FHIT: variants seen among roughly 807,000 people sequenced by gnomAD.
The protein encoded by FHIT is fragile histidine triad diadenosine triphosphatase, also known as bis(5'-adenosyl)-triphosphatase.
Under a neutral mutation model 17.9 loss-of-function variants are expected in FHIT, and 19 were observed. That is an observed-to-expected ratio of 1.06 (90% confidence interval 0.74 to 1.56). The LOEUF is 1.56. Ranked by LOEUF, FHIT falls within the 40% of genes most tolerant of loss-of-function variation. The pLI, the probability that FHIT is intolerant of heterozygous loss-of-function variation, is 0.00. For synonymous variants in FHIT, 81 were observed against 69.7 expected (o/e 1.16, Z -0.81); for missense variants, 248 against 189.2 (o/e 1.31, Z -1.82).
rs114289341 is a variant in FHIT at position 59,791,475 on chromosome 3, G to A, written c.349-39154C>T. ...CCCTAATGACATTGCTTGTGCCCCT[G>A]GATCCAGCCGCGCCTGAATCAACAA... On this transcript the variant is annotated intron_variant, in intron 8 of 9. Coordinates refer to ENST00000492590, the MANE Select transcript of FHIT (RefSeq NM_002012.4). 1.3e-3 allele frequency among the ~76,000 whole-genome samples: 192 copies of A among 152,260 alleles called. 1 individual carries two copies. Among genetic ancestry groups the A allele is most frequent in the African/African-American group, 4.5e-3 (186 of 41,558 alleles).
chr3:60,340,998 A>AT (rs1231314307), intron 5 of FHIT, among the ~76,000 whole-genome samples: 2 of 152,024 alleles, frequency 1.3e-5, no homozygotes, highest in South Asian at 2.1e-4. Context: ...CTATATGAGA[A>AT]TTTTTTTTAA....
chr3:60,848,473 C>T (rs1172718188), intron 3 of FHIT, among the ~76,000 whole-genome samples: 5 of 152,114 alleles, frequency 3.3e-5, no homozygotes, highest in Admixed American at 2.6e-4. Context: ...ATTCTTTCAA[C>T]CCATGCCCAA....
chr3:60,168,132 A>C (rs1217942583), intron 5 of FHIT, among the ~76,000 whole-genome samples: 1 of 152,224 alleles, frequency 6.6e-6, no homozygotes, highest in Admixed American at 6.5e-5. Context: ...ATAGTTGCAG[A>C]AACTCCAAAA....
intron 5 of FHIT, among the ~76,000 whole-genome samples, chr3:60,478,393 T>G (rs2033450157): frequency 6.6e-6 from 1 of 152,160 alleles, no homozygotes; most frequent in African/African-American, 2.4e-5. Context: ...CAAGCAAATA[T>G]GAATGAACTT....
chr3:60,939,630 T>C (rs997917146), intron 3 of FHIT, among the ~76,000 whole-genome samples: 12 of 152,188 alleles, frequency 7.9e-5, no homozygotes, highest in Non-Finnish European at 1.8e-4. Context: ...ATCATTAGAA[T>C]AGTATTAAAG....
At chr3:60,112,255 C>A (rs1285222960) in intron 5 of FHIT, among the ~76,000 whole-genome samples, 1 of 152,144 alleles carries the variant, frequency 6.6e-6, no homozygotes. Flanking sequence ...ACTCCCAGAA[C>A]AATATCCCAT....
chr3:60,420,588 GA>G (rs954752898), intron 5 of FHIT, among the ~76,000 whole-genome samples: 2 of 151,918 alleles, frequency 1.3e-5, no homozygotes, highest in East Asian at 3.9e-4. Context: ...CATCCCAGGG[GA>G]AAAAAATCTA....
intron 3 of FHIT, among the ~76,000 whole-genome samples, chr3:60,944,265 T>C (rs907785937): frequency 6.6e-6 from 1 of 152,220 alleles, no homozygotes; most frequent in Admixed American, 6.5e-5. Context: ...TTCCAATTAA[T>C]GTCCTGAAGA....
At chr3:60,299,794 ATAG>A (rs1202289162) in intron 5 of FHIT, among the ~76,000 whole-genome samples, 1 of 152,062 alleles carries the variant, frequency 6.6e-6, no homozygotes, top group East Asian at 1.9e-4. Context: ...CCCAGTGACG[ATAG>A]TAGTTTTGGC....
At chr3:60,495,225 G>A (rs930799573) in intron 5 of FHIT, among the ~76,000 whole-genome samples, 2 of 151,606 alleles carry the variant, frequency 1.3e-5, no homozygotes, top group Non-Finnish European at 2.9e-5. Context: ...GATGATGAAG[G>A]ATGTTGAGCA....
At chr3:60,676,402 G>C (rs536143620) in intron 4 of FHIT, among the ~76,000 whole-genome samples, 1 of 152,172 alleles carries the variant, frequency 6.6e-6, no homozygotes, top group African/African-American at 2.4e-5. Flanking sequence ...AAAGGACGAT[G>C]GTTGGAAGGG....
At chr3:60,282,954 A>G (rs989612503) in intron 5 of FHIT, among the ~76,000 whole-genome samples, 1 of 152,106 alleles carries the variant, frequency 6.6e-6, no homozygotes. Context: ...CCAGACTGAA[A>G]TAAGTGCAGT....
At chr3:60,502,231 A>C (rs886672397) in intron 5 of FHIT, among the ~76,000 whole-genome samples, 1 of 152,142 alleles carries the variant, frequency 6.6e-6, no homozygotes, top group East Asian at 1.9e-4. Flanking sequence ...TGGCCTTCTA[A>C]GTTATTAATC....
intron 5 of FHIT, among the ~76,000 whole-genome samples, chr3:60,216,724 A>C (rs1219379689): frequency 1.3e-5 from 2 of 152,164 alleles, no homozygotes; most frequent in Non-Finnish European, 2.9e-5. Flanking sequence ...AGCATTTTTA[A>C]ATGTCTTAGG....
At chr3:61,202,061 CATAGAT>C (rs766173283) in intron 1 of FHIT, among the ~76,000 whole-genome samples, 1 of 141,568 alleles carries the variant, frequency 7.1e-6, no homozygotes, top group South Asian at 2.5e-4. Flanking sequence ...TATACACGCA[CATAGAT>C]ACACACACAC....
At chr3:60,239,305 G>T (rs772849715) in intron 5 of FHIT, among the ~76,000 whole-genome samples, 6 of 152,240 alleles carry the variant, frequency 3.9e-5, no homozygotes, top group Middle Eastern at 3.4e-3. Flanking sequence ...CATGTCTGTA[G>T]TCCCACTAAC....
rs377257629 is a variant in FHIT, at chr3:60,246,034, C to T, written c.104-231882G>A. 1.3e-3 allele frequency among the ~76,000 whole-genome samples: 192 copies of T among 152,188 alleles called. 1 individual carries two copies. The highest frequency in any genetic ancestry group is 3.4e-3 in the Middle Eastern group (1 of 294). On this transcript the variant is annotated intron_variant, in intron 5 of 9. Transcript: ENST00000492590. ...TTAAAGTAAACTGTTTAATTCCCTT[C>T]ATAATTTTCTGCTTAAAAAATGCTT...
At chr3:59,911,913 C>T (rs899628571) in intron 8 of FHIT, among the ~76,000 whole-genome samples, 6 of 151,964 alleles carry the variant, frequency 3.9e-5, no homozygotes, top group East Asian at 1.9e-4. Context: ...TTTTGGGTGC[C>T]GGGAGGCAGA....
At chr3:60,982,825 C>T (rs1710553627) in intron 3 of FHIT, among the ~76,000 whole-genome samples, 1 of 152,182 alleles carries the variant, frequency 6.6e-6, no homozygotes, top group African/African-American at 2.4e-5. Context: ...ATCATTTTGA[C>T]TCAGGGATCC....
Sources: gnomAD v4.1 joint callset for allele counts (sites outside exome capture counted in the v4.1 genomes callset) on GRCh38, gnomAD v4.1.1 for gene constraint, MANE v1.5 for transcripts, NCBI Gene and HGNC (gene_info 2026-07-23, HGNC 2026-07-21) for gene names.